The following MAST4 variants were observed in gnomAD, a reference collection of about 807,000 sequenced individuals.
MAST4 encodes microtubule-associated serine/threonine-protein kinase 4.
MAST4 carries 89 observed loss-of-function variants against 162.7 expected under a neutral mutation model. That is an observed-to-expected ratio of 0.55 (90% CI 0.46 to 0.65). The LOEUF (loss-of-function observed/expected upper bound fraction) is 0.65, where lower values mean the gene tolerates loss of function less well. Among genes scored for constraint, MAST4 ranks in the 30% least tolerant of loss-of-function variants. MAST4 has a pLI of 0.00. For synonymous variants in MAST4, 1,479 were observed against 1,361.1 expected, an observed-to-expected ratio of 1.09 and a Z score of -1.91; for missense variants, 3,153 against 3,374.0, an observed-to-expected ratio of 0.93 and a Z score of 1.62.
intron 1 of MAST4, among the ~76,000 whole-genome samples, chr5:66,653,426 T>A (rs555349775): frequency 7.9e-5 from 12 of 152,336 alleles, no homozygotes; most frequent in African/African-American, 1.9e-4. Flanking sequence ...CTGTAACTGC[T>A]GGGCCAGCCC....
chr5:66,735,556 A>AT (rs1325651715), intron 1 of MAST4, among the ~76,000 whole-genome samples: 1 of 152,052 alleles, frequency 6.6e-6, no homozygotes, highest in Non-Finnish European at 1.5e-5. Flanking sequence ...TAAATCTTGT[A>AT]TTTTTTTCTC....
chr5:66,837,411 A>G (rs568174138), intron 3 of MAST4, among the ~76,000 whole-genome samples: 3 of 152,116 alleles, frequency 2.0e-5, no homozygotes, highest in Non-Finnish European at 4.4e-5. Context: ...TAGTTAAATA[A>G]GTGGGTTTTG....
chr5:67,145,518 A>G (rs1770978555), intron 23 of MAST4, 139 bp downstream of exon 23: 2 of 673,320 alleles, frequency 3.0e-6, no homozygotes, highest in Non-Finnish European at 5.0e-6. Context: ...CTCAGTCCTT[A>G]GGCTTGGGAC....
At chr5:66,848,878 G>A (rs1239940654) in intron 3 of MAST4, among the ~76,000 whole-genome samples, 1 of 152,132 alleles carries the variant, frequency 6.6e-6, no homozygotes, top group African/African-American at 2.4e-5. Context: ...CGAGCAGCTG[G>A]GATGTCTGGT....
chr5:67,163,536 T>A lies in MAST4; in HGVS notation c.4357T>A (p.Ser1453Thr). Residue 1453 changes from serine (S) to threonine (T), a missense_variant, in exon 29 of 29, where the codon TCT (serine) becomes ACT (threonine). Physicochemically the swap from Ser to Thr is moderately conservative, Grantham distance 58. Around this residue, in one of 7 missense-constraint regions of MAST4, gnomAD observed 619 missense variants for 744.2 expected, o/e 0.83. Coordinates refer to ENST00000403625, the MANE Select transcript of MAST4 (RefSeq NM_001164664.2). This position sits in a 1 kb window ranked among gnomAD's most constrained non-coding sequence, Gnocchi z 7.0. ...GCAGTCCGAGGAGAAGCTGTCGCCC[T>A]CTTACGGCAGTGACAAGAAGCACCT... The part of the protein sequence containing the change: ...RVQSEEKLSP[S>T]YGSDKKHLCS... 1.2e-6 allele frequency: 2 copies of A among 1,603,124 alleles called. No homozygotes were observed. Among genetic ancestry groups the A allele is most frequent in the Non-Finnish European group, 1.7e-6 (2 of 1,175,170 alleles).
chr5:66,626,916 A>C (rs1744468927), intron 1 of MAST4, among the ~76,000 whole-genome samples: 1 of 152,030 alleles, frequency 6.6e-6, no homozygotes, highest in Non-Finnish European at 1.5e-5. Flanking sequence ...GATCATTGGG[A>C]TAGTTAGCAG....
At chr5:66,926,612 A>ATGTATATATGTG (rs1412943055) in intron 4 of MAST4, among the ~76,000 whole-genome samples, 5 of 151,602 alleles carry the variant, frequency 3.3e-5, no homozygotes, top group African/African-American at 1.2e-4. Context: ...ATGTATGTAT[A>ATGTATATATGTG]TGTATATATG....
chr5:66,935,029 T>C lies in MAST4; in HGVS notation c.674+35047T>C, dbSNP rs565085380. Among the ~76,000 whole-genome samples, 30 of 152,336 alleles carry C rather than the reference T, an allele frequency of 2.0e-4. No individual in the cohort carries two copies. In the South Asian group the frequency reaches 3.5e-3, roughly 18 times the overall value. On this transcript the variant is annotated intron_variant, in intron 4 of 28. Coordinates refer to ENST00000403625, the MANE Select transcript of MAST4 (RefSeq NM_001164664.2). ...CTAGTTCTGCCACTTAGTAGCTGTATGACTTTGCCTCTGCTAAAATGGGAA... is the reference window on the plus strand; with the variant it reads ...CTAGTTCTGCCACTTAGTAGCTGTACGACTTTGCCTCTGCTAAAATGGGAA...
chr5:66,762,184 G>A (rs543066983), intron 2 of MAST4, among the ~76,000 whole-genome samples: 16 of 151,980 alleles, frequency 1.1e-4, no homozygotes, highest in African/African-American at 3.9e-4. Flanking sequence ...CAATTAGTTC[G>A]CTACACAATT....
chr5:67,026,993 A>C (rs975755089), intron 4 of MAST4, among the ~76,000 whole-genome samples: 1 of 152,316 alleles, frequency 6.6e-6, no homozygotes, highest in Non-Finnish European at 1.5e-5. Flanking sequence ...TAAATATGGA[A>C]GGTAGGATAT....
At chr5:66,867,902 G>A (rs1053931640) in intron 3 of MAST4, among the ~76,000 whole-genome samples, 1 of 152,216 alleles carries the variant, frequency 6.6e-6, no homozygotes, top group African/African-American at 2.4e-5. Context: ...ATCTCAGTCT[G>A]GAATGACAGT....
At chr5:66,925,154 G>A (rs1204525520) in intron 4 of MAST4, among the ~76,000 whole-genome samples, 1 of 152,058 alleles carries the variant, frequency 6.6e-6, no homozygotes, top group African/African-American at 2.4e-5. Context: ...CTTTCCAGCT[G>A]GGAAGTACTT....
intron 4 of MAST4, among the ~76,000 whole-genome samples, chr5:66,904,115 G>A (rs1763190344): frequency 6.6e-6 from 1 of 152,182 alleles, no homozygotes; most frequent in Non-Finnish European, 1.5e-5. Flanking sequence ...TTGAATGTAA[G>A]TCCTGAAATT....
chr5:66,646,749 A>G (rs1745866832), intron 1 of MAST4, among the ~76,000 whole-genome samples: 1 of 152,166 alleles, frequency 6.6e-6, no homozygotes, highest in Admixed American at 6.6e-5. Flanking sequence ...TTATGAAACC[A>G]TTTATCATGA....
intron 1 of MAST4, among the ~76,000 whole-genome samples, chr5:66,613,726 C>G (rs966077461): frequency 6.6e-6 from 1 of 152,120 alleles, no homozygotes; most frequent in Admixed American, 6.5e-5. Flanking sequence ...GGTGGTTTCT[C>G]CAGGCCTCAA....
intron 2 of MAST4, among the ~76,000 whole-genome samples, chr5:66,775,145 G>A (rs1167357468): frequency 6.6e-6 from 1 of 151,982 alleles, no homozygotes; most frequent in African/African-American, 2.4e-5. Flanking sequence ...CATATGCCCT[G>A]TTACAGTGCC....
chr5:67,134,792 TCAAA>T, intron 18 of MAST4, 104 bp downstream of exon 18: 1 of 949,008 alleles, frequency 1.1e-6, no homozygotes. Flanking sequence ...TTAACCTTTA[TCAAA>T]CAGTTGAGCC....
intron 4 of MAST4, chr5:66,964,054 TGAA>T: frequency 1.6e-6 from 1 of 625,702 alleles, no homozygotes; most frequent in Non-Finnish European, 3.0e-6. Flanking sequence ...TGATCTGCAC[TGAA>T]TTCTGTAAGT....
At chr5:66,743,234 A>G (rs1445725563) in intron 1 of MAST4, among the ~76,000 whole-genome samples, 2 of 151,774 alleles carry the variant, frequency 1.3e-5, no homozygotes, top group East Asian at 1.9e-4. Context: ...TGCATTTCCC[A>G]TGTCCCCTCT....
Sources: gnomAD v4.1 joint callset for allele counts (sites outside exome capture counted in the v4.1 genomes callset) on GRCh38, gnomAD v4.1.1 for gene constraint, gnomAD v4.1.1 regional missense constraint, Gnocchi (gnomAD v3.1) non-coding constraint, MANE v1.5 for transcripts, NCBI Gene and HGNC (gene_info 2026-07-23, HGNC 2026-07-21) for gene names.